Variants in RBFOX1 observed in about 807,000 individuals in gnomAD.
RBFOX1 encodes the protein RNA binding fox-1 homolog 1.
Under a neutral mutation model 57.7 loss-of-function variants are expected in RBFOX1, and 8 were observed. That is an observed-to-expected ratio of 0.14 (90% CI 0.08 to 0.25). RBFOX1 has a LOEUF of 0.25. Among genes scored for constraint, RBFOX1 ranks in the 10% least tolerant of loss-of-function variants. RBFOX1 has a pLI of 1.00. For missense variants in RBFOX1, 611 were observed against 548.5 expected, an observed-to-expected ratio of 1.11 and a Z score of -1.14; for synonymous variants, 326 against 222.4, an observed-to-expected ratio of 1.47 and a Z score of -4.15.
At chr16:6,299,102 G>A (rs1369104624) in intron 1 of RBFOX1, among the ~76,000 whole-genome samples, 2 of 152,188 alleles carry the variant, frequency 1.3e-5, no homozygotes, top group Non-Finnish European at 2.9e-5. Flanking sequence ...TGCAAGGAAA[G>A]TAACCCCAAG....
chr16:7,592,829 C>A (rs954572215), intron 7 of RBFOX1, among the ~76,000 whole-genome samples: 1 of 152,040 alleles, frequency 6.6e-6, no homozygotes, highest in Admixed American at 6.6e-5. Flanking sequence ...AGGATGAAAA[C>A]CTCTTTTTCA....
chr16:7,343,702 A>T (rs968946620), intron 4 of RBFOX1, among the ~76,000 whole-genome samples: 7 of 152,126 alleles, frequency 4.6e-5, no homozygotes, highest in Non-Finnish European at 7.4e-5. Context: ...GGCAAACAGG[A>T]GGTGGTATGG....
chr16:6,513,646 A>G (rs2096301492), intron 2 of RBFOX1, among the ~76,000 whole-genome samples: 1 of 152,184 alleles, frequency 6.6e-6, no homozygotes, highest in African/African-American at 2.4e-5. Flanking sequence ...AGGCAGAAGA[A>G]TCACTTGAAC....
In RBFOX1 at chr16:6,433,568, G is replaced by C. The variant is rs529414682; in HGVS notation, c.-64+116511G>C. Among the ~76,000 whole-genome samples, 12 of 152,282 alleles carry C rather than the reference G, an allele frequency of 7.9e-5. No individual in the cohort carries two copies. In the East Asian group the frequency reaches 2.3e-3, roughly 30 times the overall value. Reference sequence around the variant, plus strand: ...GCTGTAACAAATTACCACAAATTCAGTGGCTTAAAGCAAGAACCTTATGAA... The same window carrying C: ...GCTGTAACAAATTACCACAAATTCACTGGCTTAAAGCAAGAACCTTATGAA... On this transcript the variant is annotated intron_variant, in intron 2 of 15. Coordinates refer to ENST00000550418, the MANE Select transcript of RBFOX1 (RefSeq NM_018723.4).
At chr16:6,732,069 C>G (rs1000001573) in intron 3 of RBFOX1, among the ~76,000 whole-genome samples, 1 of 152,092 alleles carries the variant, frequency 6.6e-6, no homozygotes, top group Non-Finnish European at 1.5e-5. Context: ...AGATCTATCC[C>G]TCTTTTAACC....
At chr16:7,503,346 T>G (rs1018995173) in intron 4 of RBFOX1, among the ~76,000 whole-genome samples, 2 of 152,210 alleles carry the variant, frequency 1.3e-5, no homozygotes, top group Non-Finnish European at 2.9e-5. Context: ...ACAAAGAAAG[T>G]TGTGTCACAT....
At chr16:6,066,695 G>A (rs1458570466) in intron 1 of RBFOX1, among the ~76,000 whole-genome samples, 1 of 152,108 alleles carries the variant, frequency 6.6e-6, no homozygotes, top group Non-Finnish European at 1.5e-5. Flanking sequence ...ATGAGTGTTT[G>A]GACAAAAATG....
chr16:6,599,795 A>T (rs1016329004), intron 2 of RBFOX1, among the ~76,000 whole-genome samples: 3 of 152,112 alleles, frequency 2.0e-5, no homozygotes, highest in African/African-American at 7.2e-5. Flanking sequence ...TCAGTTCTGT[A>T]TTTCTGAAAG....
chr16:6,857,661 A>T (rs2058155150), intron 3 of RBFOX1, among the ~76,000 whole-genome samples: 1 of 152,174 alleles, frequency 6.6e-6, no homozygotes, highest in African/African-American at 2.4e-5. Context: ...GGCTACATGG[A>T]AACTTACTCT....
chr16:5,284,742 T>C (rs1368318338), intron 1 of RBFOX1, among the ~76,000 whole-genome samples: 24 of 138,278 alleles, frequency 1.7e-4, no homozygotes, highest in African/African-American at 2.7e-4. Context: ...CTGGGTATAG[T>C]AGTTTTGGCT....
intron 3 of RBFOX1, among the ~76,000 whole-genome samples, chr16:6,909,627 T>A (rs554617127): frequency 3.2e-4 from 48 of 152,224 alleles, no homozygotes; most frequent in Non-Finnish European, 6.0e-4. Context: ...TTCTCTCTTT[T>A]ACAAAATCAG....
At chr16:7,256,209 C>G (rs990486383) in intron 4 of RBFOX1, among the ~76,000 whole-genome samples, 5 of 152,168 alleles carry the variant, frequency 3.3e-5, no homozygotes, top group Non-Finnish European at 5.9e-5. Context: ...GAGGTTGGCT[C>G]TCCTCTTTAC....
At chr16:7,256,073 C>T (rs990105152) in intron 4 of RBFOX1, among the ~76,000 whole-genome samples, 2 of 152,188 alleles carry the variant, frequency 1.3e-5, no homozygotes, top group South Asian at 4.1e-4. Context: ...TTAAAATACA[C>T]TGTTAAAGTC....
intron 3 of RBFOX1, among the ~76,000 whole-genome samples, chr16:6,895,430 GTGTGTGTGTGTGTGTGTGTATATATA>G (rs1439612298): frequency 1.6e-4 from 11 of 68,104 alleles, no homozygotes; most frequent in Non-Finnish European, 2.9e-4. Flanking sequence ...GTGTGTGTGT[GTGTGTGTGTGTGTGTGTGTATATATA>G]TATATATATA....
At chr16:7,047,999 C>A (rs1046729733) in intron 3 of RBFOX1, among the ~76,000 whole-genome samples, 5 of 151,632 alleles carry the variant, frequency 3.3e-5, no homozygotes, top group African/African-American at 4.8e-5. Context: ...CTGTCTCAGC[C>A]GTCTGAGTAG....
intron 2 of RBFOX1, among the ~76,000 whole-genome samples, chr16:6,391,977 A>T (rs1567179345): frequency 6.6e-6 from 1 of 152,202 alleles, no homozygotes; most frequent in African/African-American, 2.4e-5. Flanking sequence ...AGGCTGTAAA[A>T]GCTTTTGAAG....
intron 4 of RBFOX1, among the ~76,000 whole-genome samples, chr16:7,337,965 G>C (rs1477331187): frequency 6.6e-6 from 1 of 152,244 alleles, no homozygotes; most frequent in Non-Finnish European, 1.5e-5. Context: ...TTACAGGCAT[G>C]AGCCACCATG....
intron 3 of RBFOX1, among the ~76,000 whole-genome samples, chr16:6,894,075 A>T (rs1018832740): frequency 1.8e-4 from 28 of 152,084 alleles, no homozygotes; most frequent in African/African-American, 6.5e-4. Context: ...CAATAGATAG[A>T]TACTGGATCG....
At chr16:5,360,732 G>A (rs187763898) in intron 1 of RBFOX1, among the ~76,000 whole-genome samples, 8 of 152,194 alleles carry the variant, frequency 5.3e-5, no homozygotes, top group Non-Finnish European at 8.8e-5. Context: ...TAGAGATCTC[G>A]ACAGCTGCAG....
Sources: gnomAD v4.1 joint callset for allele counts (sites outside exome capture counted in the v4.1 genomes callset) on GRCh38, gnomAD v4.1.1 for gene constraint, MANE v1.5 for transcripts, NCBI Gene and HGNC (gene_info 2026-07-23, HGNC 2026-07-21) for gene names.